Variants in SYNJ2 observed in about 807,000 individuals in gnomAD.
SYNJ2 encodes polyphosphatidylinositol phosphatase SYNJ2.
In SYNJ2, 116 loss-of-function variants were observed where a neutral mutation model predicts 141.3. The ratio of observed to expected loss-of-function variants is 0.82; its 90% CI spans 0.71 to 0.96. SYNJ2 has a LOEUF of 0.96. SYNJ2 is among the 40% of genes least tolerant of loss of function. The pLI, the probability that SYNJ2 is intolerant of heterozygous loss-of-function variation, is 0.00. For missense variants in SYNJ2, 1,873 were observed against 1,934.8 expected, an observed-to-expected ratio of 0.97 and a Z score of 0.60; for synonymous variants, 745 against 777.7, an observed-to-expected ratio of 0.96 and a Z score of 0.70.
At chr6:157,988,071 C>G (rs937944107) in intron 1 of SYNJ2, among the ~76,000 whole-genome samples, 1 of 152,242 alleles carries the variant, frequency 6.6e-6, no homozygotes, top group Admixed American at 6.5e-5. Flanking sequence ...TCCTGCTGCT[C>G]AAGACCCTGG....
intron 12 of SYNJ2, 90 bp downstream of exon 12, chr6:158,066,725 A>G (rs1583450041): frequency 6.8e-7 from 1 of 1,466,100 alleles, no homozygotes; most frequent in Admixed American, 1.9e-5. Context: ...CGTCTTGTGG[A>G]ATTTCATCTT....
intron 1 of SYNJ2, among the ~76,000 whole-genome samples, chr6:158,010,875 C>T (rs113678144): frequency 0.011 from 1,455 of 133,524 alleles, 29 homozygotes; most frequent in African/African-American, 0.04. Context: ...AGGATGGCCT[C>T]GTGACAACGG....
chr6:157,988,459 T>G (rs1051356358), intron 1 of SYNJ2, among the ~76,000 whole-genome samples: 4 of 152,178 alleles, frequency 2.6e-5, no homozygotes, highest in African/African-American at 9.7e-5. Flanking sequence ...GCATACAGGA[T>G]GCAGCACTCA....
chr6:158,024,013 T>C (rs1778910061), intron 2 of SYNJ2, among the ~76,000 whole-genome samples: 1 of 152,258 alleles, frequency 6.6e-6, no homozygotes, highest in African/African-American at 2.4e-5. Context: ...TGTTTGCGTC[T>C]ACAAAAATGA....
intron 1 of SYNJ2, among the ~76,000 whole-genome samples, chr6:158,003,512 G>A (rs998164632): frequency 6.6e-6 from 1 of 152,180 alleles, no homozygotes; most frequent in Admixed American, 6.5e-5. Flanking sequence ...TTGAGACCCT[G>A]AAATACAAGA....
At chr6:158,008,111 C>G (rs1778138973) in intron 1 of SYNJ2, among the ~76,000 whole-genome samples, 1 of 152,066 alleles carries the variant, frequency 6.6e-6, no homozygotes, top group Non-Finnish European at 1.5e-5. Context: ...TTGTTATCTG[C>G]CTGGTGTGTG....
At chr6:158,000,972 C>T (rs1777827743) in intron 1 of SYNJ2, 1 of 152,360 alleles carries the variant, frequency 6.6e-6, no homozygotes, top group Non-Finnish European at 1.5e-5. Flanking sequence ...GTTCCCTGCT[C>T]ACTGGGTCTC....
rs1237892545 is a variant in SYNJ2 at position 158,070,687 on chromosome 6, A to AGC, written c.1941-913_1941-912dup. On this transcript the variant is annotated intron_variant, in intron 14 of 26. Coordinates refer to ENST00000355585, the MANE Select transcript of SYNJ2 (RefSeq NM_003898.4). The surrounding 1 kb of genome is among the most constrained non-coding windows in gnomAD (Gnocchi z 4.0). The stretch of plus-strand genomic sequence containing the variant: ...AGTCATCCCCCCAACCTTGTCTGCC[A>AGC]GCGAGCAGATGCACCAGCAGGCCTC... Among the ~76,000 whole-genome samples, 13 of 152,246 alleles carry AGC rather than the reference A, an allele frequency of 8.5e-5. No homozygotes were observed. In the East Asian group the frequency reaches 2.5e-3, roughly 29 times the overall value.
intron 13 of SYNJ2, among the ~76,000 whole-genome samples, 168 bp from the exon 14 acceptor site, chr6:158,069,365 A>G (rs734882): frequency 0.11 from 17,371 of 152,194 alleles, 1,238 homozygotes; most frequent in Middle Eastern, 0.17. Context: ...AGCCAAAAAC[A>G]CGCAGATCCT....
intron 26 of SYNJ2, among the ~76,000 whole-genome samples, 188 bp downstream of exon 26, chr6:158,093,292 C>T (rs570900155): frequency 3.3e-5 from 5 of 151,848 alleles, no homozygotes; most frequent in South Asian, 2.1e-4. Flanking sequence ...AAAAATTAGC[C>T]GGGCGTGGTG....
rs565996309 is a variant in SYNJ2 at position 158,011,365 on chromosome 6, C to T, written c.128-5839C>T. On this transcript the variant is annotated intron_variant, in intron 1 of 26. Coordinates refer to ENST00000355585, the MANE Select transcript of SYNJ2 (RefSeq NM_003898.4). Reference sequence around the variant, plus strand: ...GAGAATGAAGTTCTGCTGCCTGGGGCCTCCCAGTTTGTTTACAGTGAGTCT... The same window carrying T: ...GAGAATGAAGTTCTGCTGCCTGGGGTCTCCCAGTTTGTTTACAGTGAGTCT... Among the ~76,000 whole-genome samples, 122 of 152,206 alleles carry T rather than the reference C, an allele frequency of 8.0e-4. 2 individuals are homozygous for T. The highest frequency in any genetic ancestry group is 2.8e-3 in the African/African-American group (117 of 41,522).
intron 20 of SYNJ2, among the ~76,000 whole-genome samples, chr6:158,082,129 C>T (rs1318042852): frequency 6.6e-6 from 1 of 152,100 alleles, no homozygotes; most frequent in South Asian, 2.1e-4. Flanking sequence ...GGTAGATCAC[C>T]CAAGGTCAGG....
In SYNJ2 at chr6:158,084,325, G is replaced by A; in HGVS notation, c.3208+151G>A. On this transcript the variant is annotated intron_variant, in intron 22 of 26. Transcript: ENST00000355585. The surrounding 1 kb of genome is among the most constrained non-coding windows in gnomAD (Gnocchi z 5.0). ...CCAGGCAGGCCAAGCGAGGGGTAGG[G>A]ACTGAGCCCTGTGGAGGTAGCCAGC... 1 of 826,324 alleles carries A rather than the reference G, an allele frequency of 1.2e-6. No homozygotes were observed. The highest frequency in any genetic ancestry group is 1.9e-6 in the Non-Finnish European group (1 of 537,106). The allele number at this position is 826,324 out of a possible 1,614,324, so 51.2% of individuals were successfully genotyped here.
chr6:158,039,195 G>C (rs1350637022), intron 4 of SYNJ2, among the ~76,000 whole-genome samples: 1 of 152,256 alleles, frequency 6.6e-6, no homozygotes, highest in Admixed American at 6.5e-5. Flanking sequence ...CTTTATAGCA[G>C]TACTGATGCT....
intron 15 of SYNJ2, among the ~76,000 whole-genome samples, chr6:158,073,969 C>T (rs528986515): frequency 1.3e-5 from 2 of 151,678 alleles, no homozygotes; most frequent in African/African-American, 4.8e-5. Context: ...AGAGCCCAGC[C>T]CTTGCGGACA....
At chr6:158,062,557 A>G (rs968689929) in intron 8 of SYNJ2, among the ~76,000 whole-genome samples, 3 of 152,088 alleles carry the variant, frequency 2.0e-5, no homozygotes, top group Non-Finnish European at 4.4e-5. Flanking sequence ...TCGCGGTGGG[A>G]TGGCTGGCAT....
At chr6:158,078,392 G>A (rs193172532) in intron 18 of SYNJ2, 111 bp downstream of exon 18, 280 of 694,080 alleles carry the variant, frequency 4.0e-4, no homozygotes, top group African/African-American at 3.8e-3. Context: ...GCATGGGGGT[G>A]CATTTTGTGT....
At chr6:158,000,772 C>T (rs1417552547) in intron 1 of SYNJ2, among the ~76,000 whole-genome samples, 1 of 152,112 alleles carries the variant, frequency 6.6e-6, no homozygotes, top group Non-Finnish European at 1.5e-5. Flanking sequence ...ACAGCACGCA[C>T]TCCCCCCAAG....
intron 26 of SYNJ2, among the ~76,000 whole-genome samples, chr6:158,095,105 C>T (rs1434488905): frequency 6.6e-6 from 1 of 150,726 alleles, no homozygotes; most frequent in African/African-American, 2.4e-5. Flanking sequence ...GCTGAGATTG[C>T]GCCATTGCAC....
Sources: allele counts gnomAD v4.1 joint callset (sites outside exome capture counted in the v4.1 genomes callset), GRCh38; gene constraint gnomAD v4.1.1; non-coding constraint Gnocchi (gnomAD v3.1); transcripts MANE v1.5; gene names NCBI Gene and HGNC (gene_info 2026-07-23, HGNC 2026-07-21).